Variants in SFXN4 observed in about 807,000 individuals in gnomAD.
SFXN4 encodes sideroflexin 4.
In SFXN4, 48 loss-of-function variants were observed where a neutral mutation model predicts 54.6. The ratio of observed to expected loss-of-function variants is 0.88; its 90% CI spans 0.70 to 1.12. The LOEUF (loss-of-function observed/expected upper bound fraction) is 1.12, where lower values mean the gene tolerates loss of function less well. SFXN4 is among the 50% of genes most tolerant of loss of function. The probability of loss-of-function intolerance (pLI) is 0.00; values close to 1 mark genes in which losing one functional copy is unlikely to be tolerated. For synonymous variants in SFXN4, 130 were observed against 145.5 expected, an observed-to-expected ratio of 0.89 and a Z score of 0.77; for missense variants, 383 against 409.2, an observed-to-expected ratio of 0.94 and a Z score of 0.55.
chr10:119,156,918 C>T (rs1210179214), intron 9 of SFXN4, among the ~76,000 whole-genome samples, 162 bp from the exon 10 acceptor site: 1 of 152,128 alleles, frequency 6.6e-6, no homozygotes, highest in African/African-American at 2.4e-5. Context: ...GAGGTCCTCT[C>T]CCTGTTCATC....
At chr10:119,146,164 A>G (rs1323282876) in intron 13 of SFXN4, 72 bp downstream of exon 13, 3 of 866,590 alleles carry the variant, frequency 3.5e-6, no homozygotes, top group Non-Finnish European at 5.6e-6. Flanking sequence ...AGTTTTAAGA[A>G]GAATAACTTA....
At chr10:119,165,027 T>TTGTA (rs1238249076) in intron 1 of SFXN4, among the ~76,000 whole-genome samples, 2 of 150,826 alleles carry the variant, frequency 1.3e-5, no homozygotes, top group Admixed American at 1.3e-4. Flanking sequence ...TTTCAGCTGT[T>TTGTA]TTTATCTTGT....
chr10:119,146,848 G>GT (rs1348480964), intron 12 of SFXN4, among the ~76,000 whole-genome samples: 8 of 152,246 alleles, frequency 5.3e-5, no homozygotes, highest in South Asian at 2.1e-4. Context: ...GATTACAGGC[G>GT]TGAGCCACCG....
At chr10:119,150,901 G>T (rs1419019918) in intron 11 of SFXN4, among the ~76,000 whole-genome samples, 2 of 152,128 alleles carry the variant, frequency 1.3e-5, no homozygotes. Flanking sequence ...GAATAGATAA[G>T]CAAAATGCGG....
chr10:119,153,641 C>T (rs1271960423), intron 11 of SFXN4, among the ~76,000 whole-genome samples: 2 of 152,154 alleles, frequency 1.3e-5, no homozygotes, highest in Non-Finnish European at 2.9e-5. Context: ...TCTGTAAGTG[C>T]AGAGCAGGCT....
intron 11 of SFXN4, among the ~76,000 whole-genome samples, chr10:119,154,127 G>A (rs1847183410): frequency 6.6e-6 from 1 of 150,910 alleles, no homozygotes; most frequent in Non-Finnish European, 1.5e-5. Flanking sequence ...GCAGTGAGCT[G>A]AGATCACGCC....
intron 13 of SFXN4, among the ~76,000 whole-genome samples, chr10:119,144,575 T>C (rs1248818730): frequency 6.7e-6 from 1 of 148,832 alleles, no homozygotes; most frequent in Admixed American, 6.7e-5. Flanking sequence ...AAAAAAAAAA[T>C]GTCCTTGCTA....
intron 11 of SFXN4, among the ~76,000 whole-genome samples, chr10:119,148,909 C>A (rs1182725983): frequency 2.0e-5 from 3 of 152,070 alleles, no homozygotes; most frequent in African/African-American, 7.2e-5. Flanking sequence ...TTTTTAGAGA[C>A]AGGGTCTCAC....
intron 13 of SFXN4, among the ~76,000 whole-genome samples, chr10:119,142,876 C>T (rs958340438): frequency 2.0e-5 from 3 of 151,924 alleles, no homozygotes; most frequent in Non-Finnish European, 2.9e-5. Flanking sequence ...GGATTACAGG[C>T]GCCTGCCACC....
At chr10:119,141,848 A>G (rs1367686584) in intron 13 of SFXN4, among the ~76,000 whole-genome samples, 1 of 152,114 alleles carries the variant, frequency 6.6e-6, no homozygotes, top group Non-Finnish European at 1.5e-5. Context: ...CCCGGCTAAC[A>G]TGGTACAAAA....
chr10:119,164,263 G>C, intron 1 of SFXN4, 67 bp from the exon 2 acceptor site: 4 of 759,882 alleles, frequency 5.3e-6, no homozygotes, highest in African/African-American at 2.4e-5. Context: ...AATACTAACA[G>C]TTGGCTTTTT....
chr10:119,165,263 G>T, intron 1 of SFXN4: 1 of 1,174,834 alleles, frequency 8.5e-7, no homozygotes, highest in African/African-American at 1.6e-5. Flanking sequence ...GCAGTAGGGA[G>T]CAGCCACCTG....
chr10:119,162,639 G>A (rs1336130080), intron 2 of SFXN4, among the ~76,000 whole-genome samples: 2 of 152,008 alleles, frequency 1.3e-5, no homozygotes, highest in Non-Finnish European at 2.9e-5. Context: ...GCCCCCAATG[G>A]TGCTGTCACC....
intron 1 of SFXN4, 71 bp from the exon 2 acceptor site, chr10:119,164,267 G>GTTT (rs756064561): frequency 1.6e-5 from 9 of 550,422 alleles, no homozygotes; most frequent in Admixed American, 5.7e-5. Context: ...CTAACAGTTG[G>GTTT]CTTTTTTTTT....
chr10:119,163,998 C>T, intron 2 of SFXN4, 133 bp downstream of exon 2: 2 of 631,998 alleles, frequency 3.2e-6, no homozygotes, highest in South Asian at 3.4e-5. Flanking sequence ...CGAGATGGTG[C>T]CACTGCACTC....
At chr10:119,162,039 G>A (rs922757727) in intron 3 of SFXN4, 1 of 408,438 alleles carries the variant, frequency 2.4e-6, no homozygotes, top group African/African-American at 2.1e-5. Flanking sequence ...CTGGGCTCCA[G>A]GAATCAGCTG....
rs1847503322 is a variant in SFXN4, at chr10:119,160,962, A to G, written c.287T>C (p.Val96Ala). The G allele has an allele frequency of 6.2e-7, 1 of 1,614,134 alleles. No individual in the cohort carries two copies. The highest frequency in any genetic ancestry group is 8.5e-7 in the Non-Finnish European group (1 of 1,180,040). The change falls in exon 5 of 14, where the codon GTG (valine) becomes GCG (alanine). Residue 96 changes from valine (V) to alanine (A), a missense_variant. Transcript: ENST00000355697. The part of the protein sequence containing the change: ...QEAWKRSLAT[V>A]HPDSSNLIPK... ...GATCAGGTTGCTGCTGTCGGGATGC[A>G]CTGTTGCCTTCAAAAGGAGAGATGC...
chr10:119,143,644 A>C (rs921413415), intron 13 of SFXN4, among the ~76,000 whole-genome samples: 8 of 151,760 alleles, frequency 5.3e-5, no homozygotes, highest in Non-Finnish European at 1.2e-4. Flanking sequence ...TGCCCAGCCA[A>C]ATTTTTATTT....
chr10:119,151,238 G>T (rs1407848734), intron 11 of SFXN4, among the ~76,000 whole-genome samples: 1 of 151,970 alleles, frequency 6.6e-6, no homozygotes, highest in Admixed American at 6.6e-5. Context: ...GCGCAGTGGC[G>T]CATACCTATA....
Sources: gnomAD v4.1 joint callset for allele counts (sites outside exome capture counted in the v4.1 genomes callset) on GRCh38, gnomAD v4.1.1 for gene constraint, MANE v1.5 for transcripts, NCBI Gene and HGNC (gene_info 2026-07-23, HGNC 2026-07-21) for gene names.